ACSM3: variants seen among roughly 807,000 people sequenced by gnomAD.
ACSM3 encodes the protein acyl-CoA synthetase medium chain family member 3.
ACSM3 carries 61 observed loss-of-function variants against 74.1 expected under a neutral mutation model. That is an observed-to-expected ratio of 0.82 (90% CI 0.67 to 1.02). The LOEUF (loss-of-function observed/expected upper bound fraction) is 1.02. ACSM3 is among the 50% of genes least tolerant of loss of function. ACSM3 has a pLI of 0.00. For missense variants in ACSM3, 660 were observed against 697.0 expected (o/e 0.95, Z 0.60); for synonymous variants, 213 against 241.5 (o/e 0.88, Z 1.09).
chr16:20,792,120 T>C lies in ACSM3; in HGVS notation c.1445T>C (p.Leu482Ser). The C allele has an allele frequency of 2.5e-6, 4 of 1,614,162 alleles. No homozygotes were observed. The highest frequency in any genetic ancestry group is 3.4e-6 in the Non-Finnish European group (4 of 1,180,004). Residue 482 changes from leucine (L) to serine (S), a missense_variant, in exon 11 of 14, where the codon TTA becomes TCA. Physicochemically the swap from Leu to Ser is moderately radical, Grantham distance 145. Coordinates refer to ENST00000289416, the MANE Select transcript of ACSM3 (RefSeq NM_005622.4). ...GTTGCAAGAGCAGATGATGTCATAT[T>C]ATCCTCTGGGTAACTTTCTTTTCCA... ...WFVARADDVI[L>S]SSGYRIGPFE...
chr16:20,681,898 C>T (rs1331329466), intron 1 of ACSM3: 1 of 173,658 alleles, frequency 5.8e-6, no homozygotes, highest in Non-Finnish European at 1.2e-5. Flanking sequence ...ATTGTGAAGA[C>T]CCTGTTTCTC....
At chr16:20,772,594 C>T (rs988316622) in intron 2 of ACSM3, among the ~76,000 whole-genome samples, 5 of 152,052 alleles carry the variant, frequency 3.3e-5, no homozygotes, top group African/African-American at 9.7e-5. Context: ...CACTTTTCCT[C>T]GGACCATGTA....
At position 20,781,118 on chromosome 16, in the gene ACSM3, T is replaced by C; in HGVS notation, c.927T>C (p.Thr309=). ...ACCATTTACCCCGTTTTGAGCCGACTTCTATCTTGCAAGTAAGCCAAAGCA... is the reference window on the plus strand; with the variant it reads ...ACCATTTACCCCGTTTTGAGCCGACCTCTATCTTGCAAGTAAGCCAAAGCA... ...FTHHLPRFEP[T]SILQTLSKYP... The change falls in exon 6 of 14, where the codon ACT becomes ACC. Residue 309 remains threonine, a synonymous_variant. Coordinates refer to ENST00000289416, the MANE Select transcript of ACSM3 (RefSeq NM_005622.4). The C allele has an allele frequency of 6.2e-7, 1 of 1,614,028 alleles. No homozygotes were observed. Among genetic ancestry groups the C allele is most frequent in the Non-Finnish European group, 8.5e-7 (1 of 1,179,984 alleles).
intron 1 of ACSM3, among the ~76,000 whole-genome samples, chr16:20,730,183 T>C (rs1034954317): frequency 3.9e-5 from 6 of 152,056 alleles, no homozygotes; most frequent in African/African-American, 9.7e-5. Context: ...TAATACTCTA[T>C]AGGAAAAACT....
intron 1 of ACSM3, chr16:20,741,530 G>A: frequency 1.5e-6 from 2 of 1,319,418 alleles, no homozygotes; most frequent in Non-Finnish European, 1.0e-6. Context: ...CATACATGTC[G>A]TCGCCGTATT....
intron 2 of ACSM3, among the ~76,000 whole-genome samples, chr16:20,772,508 C>T (rs992812589): frequency 5.3e-5 from 8 of 152,076 alleles, no homozygotes; most frequent in African/African-American, 1.7e-4. Context: ...ACATTTAAGT[C>T]TATAATCCAG....
intron 1 of ACSM3, among the ~76,000 whole-genome samples, chr16:20,689,614 ATTG>A (rs2079616739): frequency 6.6e-6 from 1 of 152,230 alleles, no homozygotes; most frequent in African/African-American, 2.4e-5. Context: ...AACTTTTAGA[ATTG>A]TTTTTATAAT....
At chr16:20,794,873 G>C (rs748977175) in intron 12 of ACSM3, among the ~76,000 whole-genome samples, 1 of 152,134 alleles carries the variant, frequency 6.6e-6, no homozygotes, top group Non-Finnish European at 1.5e-5. Flanking sequence ...ACCCATGTTA[G>C]GTTGTTCCTT....
At chr16:20,691,030 A>C (rs1168073339) in intron 1 of ACSM3, 2 of 1,613,560 alleles carry the variant, frequency 1.2e-6, no homozygotes, top group Admixed American at 3.3e-5. Flanking sequence ...CCAGTACATA[A>C]CTTGCAAAGT....
chr16:20,703,963 C>T (rs2079720263), intron 1 of ACSM3: 1 of 152,146 alleles, frequency 6.6e-6, no homozygotes. Context: ...ATACAAACTA[C>T]TTAGAACAGT....
At chr16:20,777,653 A>G in intron 4 of ACSM3, 73 bp downstream of exon 4, 1 of 1,344,408 alleles carries the variant, frequency 7.4e-7, no homozygotes, top group Non-Finnish European at 1.0e-6. Flanking sequence ...TAAACCCAGC[A>G]GTGATTAGAA....
At position 20,770,123 on chromosome 16, in the gene ACSM3, A is replaced by G. The variant is rs1426419635; in HGVS notation, c.89A>G (p.Lys30Arg). 1.2e-6 allele frequency: 2 copies of G among 1,614,194 alleles called. No individual in the cohort carries two copies. The highest frequency in any genetic ancestry group is 1.1e-5 in the South Asian group (1 of 91,084). The change falls in exon 2 of 14, where the codon AAA becomes AGA. Residue 30 changes from lysine to arginine, a missense_variant. Lys to Arg is a conservative substitution (Grantham distance 26, BLOSUM62 2). Transcript: ENST00000289416. ...TTTGGTTCTGTGAGGGCACTGCATA[A>G]AGATAATAGAACAGCAACCCCTCAG... The part of the protein sequence containing the change: ...AIFGSVRALH[K>R]DNRTATPQNF...
intron 1 of ACSM3, among the ~76,000 whole-genome samples, chr16:20,704,713 G>A (rs773973743): frequency 6.6e-6 from 1 of 152,182 alleles, no homozygotes; most frequent in Non-Finnish European, 1.5e-5. Context: ...ATGTAGGAGA[G>A]TATAAAAGTA....
intron 1 of ACSM3, chr16:20,736,637 C>G (rs2079872033): frequency 4.5e-6 from 2 of 442,706 alleles, no homozygotes; most frequent in South Asian, 4.1e-5. Context: ...GCCAACATCC[C>G]CCTCCTATCC....
chr16:20,756,525 T>C lies in ACSM3; in HGVS notation c.-52+909T>C, dbSNP rs546987147. 4.6e-3 allele frequency among the ~76,000 whole-genome samples: 701 copies of C among 152,358 alleles called. 7 individuals are homozygous for C. The highest frequency in any genetic ancestry group is 0.016 in the African/African-American group (673 of 41,584). ...ATCTGTTTGAGTTCATTGTAGATTC[T>C]GGATATTAGCCCTTTGTCAGATGAG... On this transcript the variant is annotated intron_variant, in intron 3 of 3. Coordinates refer to the ACSM3 transcript ENST00000561584.
At chr16:20,711,732 G>T in intron 1 of ACSM3, 1 of 414,878 alleles carries the variant, frequency 2.4e-6, no homozygotes, top group Non-Finnish European at 4.6e-6. Context: ...ACAAATTATT[G>T]CTACATCTTG....
chr16:20,760,004 AG>A (rs35835759), upstream of ACSM3, among the ~76,000 whole-genome samples: 14 of 152,234 alleles, frequency 9.2e-5, no homozygotes, highest in Middle Eastern at 3.4e-3. Context: ...GGGCAGCTAC[AG>A]GGGGTGGCGG....
chr16:20,723,954 C>G (rs1033664803), intron 1 of ACSM3, among the ~76,000 whole-genome samples: 2 of 152,142 alleles, frequency 1.3e-5, no homozygotes, highest in African/African-American at 4.8e-5. Context: ...AAGTCCTTGC[C>G]CATGCCTATG....
At chr16:20,694,888 G>C (rs573867052) in intron 1 of ACSM3, among the ~76,000 whole-genome samples, 29 of 152,290 alleles carry the variant, frequency 1.9e-4, no homozygotes, top group Admixed American at 3.9e-4. Context: ...GACACACACA[G>C]AGGGAGACCA....
Sources: allele counts gnomAD v4.1 joint callset (sites outside exome capture counted in the v4.1 genomes callset), GRCh38; gene constraint gnomAD v4.1.1; transcripts MANE v1.5; gene names NCBI Gene and HGNC (gene_info 2026-07-23, HGNC 2026-07-21).